WWC1: variants seen among roughly 807,000 people sequenced by gnomAD.
WWC1 encodes the protein protein KIBRA.
A neutral mutation model predicts 138.4 loss-of-function variants in WWC1; 55 were observed. The ratio of observed to expected loss-of-function variants is 0.40; its 90% CI spans 0.32 to 0.50. The LOEUF is 0.50. Ranked by LOEUF, WWC1 falls within the 20% of genes least tolerant of loss-of-function variation. The probability of loss-of-function intolerance (pLI) is 0.72; values close to 1 mark genes in which losing one functional copy is unlikely to be tolerated. For synonymous variants in WWC1, 524 were observed against 564.9 expected (o/e 0.93, Z 1.03); for missense variants, 1,226 against 1,420.4 (o/e 0.86, Z 2.20).
chr5:168,454,011 G>C lies in WWC1; in HGVS notation c.2569G>C (p.Glu857Gln). The change falls in exon 18 of 23, where the codon GAG becomes CAG. Residue 857 changes from glutamate (E) to glutamine (Q), a missense_variant. Around this residue, in one of 3 missense-constraint regions of WWC1, gnomAD observed 1,016 missense variants for 1,153.9 expected, o/e 0.88. Coordinates refer to ENST00000265293, the MANE Select transcript of WWC1 (RefSeq NM_015238.3). The stretch of plus-strand genomic sequence containing the variant: ...TGAGAATGAGGCAGTAGCCGAGGAA[G>C]AGGAGGAGGAGGTGGAGGAGGAGGA... ...TSENEAVAEE[E>Q]EEEVEEEEGE... The C allele has an allele frequency of 6.3e-7, 1 of 1,589,036 alleles. No individual in the cohort carries two copies. Among genetic ancestry groups the C allele is most frequent in the Non-Finnish European group, 8.5e-7 (1 of 1,175,708 alleles).
intron 1 of WWC1, among the ~76,000 whole-genome samples, chr5:168,321,390 A>G (rs960479472): frequency 1.3e-5 from 2 of 152,156 alleles, no homozygotes; most frequent in Non-Finnish European, 2.9e-5. Flanking sequence ...ACTGAGGGAG[A>G]GAAGAACTTC....
intron 1 of WWC1, among the ~76,000 whole-genome samples, chr5:168,303,331 T>C (rs1581861345): frequency 6.6e-6 from 1 of 152,210 alleles, no homozygotes; most frequent in Non-Finnish European, 1.5e-5. Flanking sequence ...GTGTGGCAGC[T>C]CACACCTATA....
chr5:168,304,668 C>T (rs1425243808), intron 1 of WWC1, among the ~76,000 whole-genome samples: 1 of 152,108 alleles, frequency 6.6e-6, no homozygotes, highest in African/African-American at 2.4e-5. Context: ...CTCTGGGTAA[C>T]TCTGCTGCCC....
intron 17 of WWC1, among the ~76,000 whole-genome samples, chr5:168,450,871 A>G (rs1755739006): frequency 6.6e-6 from 1 of 152,214 alleles, no homozygotes; most frequent in South Asian, 2.1e-4. Context: ...GATCTTCGGA[A>G]GACACCACTG....
chr5:168,344,439 G>A (rs1027481289), intron 1 of WWC1, among the ~76,000 whole-genome samples: 2 of 152,208 alleles, frequency 1.3e-5, no homozygotes, highest in African/African-American at 4.8e-5. Flanking sequence ...CTCATCTGTA[G>A]AATGTGAGTG....
intron 1 of WWC1, among the ~76,000 whole-genome samples, chr5:168,301,313 C>CT (rs1401665184): frequency 6.6e-6 from 1 of 152,162 alleles, no homozygotes; most frequent in Non-Finnish European, 1.5e-5. Context: ...TTAGAGGACA[C>CT]TGAGTCAAGT....
intron 1 of WWC1, among the ~76,000 whole-genome samples, chr5:168,330,931 C>T (rs1385304884): frequency 1.3e-5 from 2 of 152,216 alleles, no homozygotes; most frequent in Non-Finnish European, 2.9e-5. Flanking sequence ...TTCGAACCCT[C>T]AGTGCTGAGC....
At chr5:168,327,630 G>A (rs1009769111) in intron 1 of WWC1, among the ~76,000 whole-genome samples, 2 of 152,246 alleles carry the variant, frequency 1.3e-5, no homozygotes, top group African/African-American at 4.8e-5. Context: ...GAGGTAGCAA[G>A]AGTAAATGCC....
chr5:168,377,716 A>C (rs1386770748), intron 2 of WWC1, among the ~76,000 whole-genome samples: 1 of 152,246 alleles, frequency 6.6e-6, no homozygotes, highest in Non-Finnish European at 1.5e-5. Flanking sequence ...AATGCAAATC[A>C]AAACCACAGC....
intron 1 of WWC1, among the ~76,000 whole-genome samples, chr5:168,347,287 C>T (rs897162838): frequency 1.1e-4 from 17 of 152,330 alleles, no homozygotes; most frequent in African/African-American, 4.1e-4. Context: ...ATGTGCCCTC[C>T]AGGGCAGACC....
chr5:168,369,339 C>G (rs536942358), intron 1 of WWC1, among the ~76,000 whole-genome samples: 2 of 152,270 alleles, frequency 1.3e-5, no homozygotes, highest in East Asian at 3.9e-4. Context: ...AGTAAGTTGC[C>G]TAACTCACAC....
intron 1 of WWC1, among the ~76,000 whole-genome samples, chr5:168,308,473 A>C (rs1770776745): frequency 1.3e-5 from 2 of 152,194 alleles, no homozygotes; most frequent in Non-Finnish European, 2.9e-5. Context: ...ATGCCTCTTC[A>C]ACTGGAGTTT....
intron 1 of WWC1, among the ~76,000 whole-genome samples, chr5:168,357,448 CTGTG>C (rs67198550): frequency 0.01 from 1,384 of 134,452 alleles, 10 homozygotes; most frequent in South Asian, 0.033. Context: ...AACCTGCCTT[CTGTG>C]TGTGTGTGTG....
chr5:168,292,641 G>A lies in WWC1; in HGVS notation c.119+370G>A, dbSNP rs1289171053. Among the ~76,000 whole-genome samples the A allele has an allele frequency of 6.6e-6, 1 of 152,092 alleles. No homozygotes were observed. Among genetic ancestry groups the A allele is most frequent in the Admixed American group, 6.5e-5 (1 of 15,282 alleles). On this transcript the variant is annotated intron_variant, in intron 1 of 22. Transcript: ENST00000265293. This position sits in a 1 kb window ranked among gnomAD's most constrained non-coding sequence, Gnocchi z 4.4. ...GGGAGCGACCTAGCCGGGTGAAGCCGGGTCTTCCCGGGGAGGCTTCCACCC... is the reference window on the plus strand; with the variant it reads ...GGGAGCGACCTAGCCGGGTGAAGCCAGGTCTTCCCGGGGAGGCTTCCACCC...
intron 17 of WWC1, among the ~76,000 whole-genome samples, chr5:168,451,328 C>A (rs1389095564): frequency 1.3e-5 from 2 of 152,074 alleles, no homozygotes; most frequent in Non-Finnish European, 2.9e-5. Flanking sequence ...GGCCAAAAAC[C>A]TGATTTTTAA....
intron 1 of WWC1, among the ~76,000 whole-genome samples, chr5:168,340,313 T>TCA (rs1163990717): frequency 6.6e-6 from 1 of 152,130 alleles, no homozygotes; most frequent in African/African-American, 2.4e-5. Context: ...TGACCTCAGG[T>TCA]TATCCACCTA....
chr5:168,429,321 T>G (rs937540089), intron 13 of WWC1, among the ~76,000 whole-genome samples: 22 of 147,552 alleles, frequency 1.5e-4, no homozygotes, highest in African/African-American at 5.5e-4. Context: ...TGCAGTGGTG[T>G]GATCTCAGCT....
intron 8 of WWC1, among the ~76,000 whole-genome samples, chr5:168,411,125 C>T (rs573291342): frequency 2.0e-5 from 3 of 152,074 alleles, no homozygotes; most frequent in Admixed American, 6.5e-5. Context: ...GACGGGGTTT[C>T]ACCGTGTTAG....
chr5:168,414,146 C>T, intron 8 of WWC1: 1 of 649,062 alleles, frequency 1.5e-6, no homozygotes, highest in South Asian at 2.0e-5. Flanking sequence ...CCCATTCCTG[C>T]AGAGCCTACT....
Sources: gnomAD v4.1 joint callset for allele counts (sites outside exome capture counted in the v4.1 genomes callset) on GRCh38, gnomAD v4.1.1 for gene constraint, gnomAD v4.1.1 regional missense constraint, Gnocchi (gnomAD v3.1) non-coding constraint, MANE v1.5 for transcripts, NCBI Gene and HGNC (gene_info 2026-07-23, HGNC 2026-07-21) for gene names.